Variants in DSG4 observed in about 807,000 individuals in gnomAD.
DSG4 encodes desmoglein-4.
In DSG4, 87 loss-of-function variants were observed where a neutral mutation model predicts 93.1. The ratio of observed to expected loss-of-function variants is 0.93; its 90% CI spans 0.79 to 1.12. The LOEUF (loss-of-function observed/expected upper bound fraction) is 1.12. DSG4 is among the 50% of genes most tolerant of loss of function. The probability of loss-of-function intolerance (pLI) is 0.00; values close to 1 mark genes in which losing one functional copy is unlikely to be tolerated. For missense variants in DSG4, 1,373 were observed against 1,285.7 expected, an observed-to-expected ratio of 1.07 and a Z score of -1.04; for synonymous variants, 432 against 452.9, an observed-to-expected ratio of 0.95 and a Z score of 0.59.
chr18:31,379,826 A>G, intron 1 of DSG4, among the ~76,000 whole-genome samples: 1 of 152,212 alleles, frequency 6.6e-6, no homozygotes, highest in East Asian at 1.9e-4. Flanking sequence ...CTTGTCAGGC[A>G]GATTTCCAGA....
intron 2 of DSG4, among the ~76,000 whole-genome samples, chr18:31,386,377 G>A (rs1156394431): frequency 6.6e-6 from 1 of 152,130 alleles, no homozygotes; most frequent in Non-Finnish European, 1.5e-5. Flanking sequence ...CTCCTATATG[G>A]TGAAGATAGA....
intron 7 of DSG4, 34 bp downstream of exon 7, chr18:31,391,246 A>G: frequency 6.2e-7 from 1 of 1,612,434 alleles, no homozygotes; most frequent in Non-Finnish European, 8.5e-7. Context: ...TTTTTCCATA[A>G]GTGTCAATAA....
In DSG4 at chr18:31,391,104, G is replaced by A. The variant is rs751308464; in HGVS notation, c.711G>A (p.Val237=). ...AACACAGTATGTACAACCTGGTTGT[G>A]AGAGGCTCAGATCGGGATGGAGCTG... ...REQHSMYNLV[V]RGSDRDGAAD... is the part of the protein sequence containing the mutation. The change falls in exon 7 of 16, where the codon GTG becomes GTA. Residue 237 remains valine (V), a synonymous_variant. Transcript: ENST00000308128. 6.2e-7 allele frequency: 1 copy of A among 1,613,738 alleles called. No homozygotes were observed. The highest frequency in any genetic ancestry group is 1.1e-5 in the South Asian group (1 of 91,062).
chr18:31,398,150 T>C (rs1049450238), intron 8 of DSG4, among the ~76,000 whole-genome samples: 1 of 152,098 alleles, frequency 6.6e-6, no homozygotes, highest in Non-Finnish European at 1.5e-5. Context: ...TGAAAAGTGA[T>C]TTTTGAGTAC....
At chr18:31,377,938 T>C (rs1433869472) in intron 1 of DSG4, among the ~76,000 whole-genome samples, 1 of 152,222 alleles carries the variant, frequency 6.6e-6, no homozygotes, top group Non-Finnish European at 1.5e-5. Flanking sequence ...CAGACTCCTC[T>C]GAACATCAGT....
At chr18:31,402,454 C>G (rs2072378361) in intron 10 of DSG4, among the ~76,000 whole-genome samples, 1 of 152,082 alleles carries the variant, frequency 6.6e-6, no homozygotes, top group Non-Finnish European at 1.5e-5. Context: ...AATCGACATC[C>G]TTCATCTAGT....
intron 3 of DSG4, among the ~76,000 whole-genome samples, chr18:31,387,344 T>C (rs1178610687): frequency 1.3e-5 from 2 of 152,182 alleles, no homozygotes; most frequent in Admixed American, 6.5e-5. Context: ...TCCACATTAA[T>C]AGCTTCATTC....
chr18:31,411,098 T>C lies in DSG4; in HGVS notation c.2138-133T>C, dbSNP rs17729233. 54 of 1,584,366 alleles carry C rather than the reference T, an allele frequency of 3.4e-5. No homozygotes were observed. The Admixed American group carries it at 9.7e-4, about 28-fold the overall frequency. ...GAGATGTATCGGTGTAACTTGTATC[T>C]CTCTTTGTCAGCTTTTTAGCGCCTA... On this transcript the variant is annotated intron_variant, in intron 14 of 15. Coordinates refer to ENST00000308128, the MANE Select transcript of DSG4 (RefSeq NM_177986.5).
rs766123215 is a variant in DSG4, at chr18:31,392,178, T to C, written c.843T>C (p.Asn281=). 2 of 1,613,712 alleles carry C rather than the reference T, an allele frequency of 1.2e-6. No homozygotes were observed. Among genetic ancestry groups the C allele is most frequent in the Non-Finnish European group, 1.7e-6 (2 of 1,179,796 alleles). ...KTSYSASIEE[N]CLSSELIRLQ... is the part of the protein sequence containing the mutation. Reference sequence around the variant, plus strand: ...AGTACTCAGCCAGTATTGAAGAGAATTGTTTAAGTTCGGAACTGATACGAT... The same window carrying C: ...AGTACTCAGCCAGTATTGAAGAGAACTGTTTAAGTTCGGAACTGATACGAT... The change falls in exon 8 of 16, where the codon AAT becomes AAC. Residue 281 remains asparagine, a synonymous_variant. Transcript: ENST00000308128.
chr18:31,397,264 C>G (rs1200522136), intron 8 of DSG4, among the ~76,000 whole-genome samples: 1 of 152,170 alleles, frequency 6.6e-6, no homozygotes, highest in Admixed American at 6.5e-5. Flanking sequence ...CAGAGCCTCA[C>G]TCCTGGTCAC....
At chr18:31,388,310 A>G in intron 3 of DSG4, 57 bp from the exon 4 acceptor site, 1 of 1,596,152 alleles carries the variant, frequency 6.3e-7, no homozygotes, top group Non-Finnish European at 8.6e-7. Context: ...ATTCCACTAC[A>G]CTCTTAAGCA....
At chr18:31,395,589 G>A (rs375789621) in intron 8 of DSG4, among the ~76,000 whole-genome samples, 13 of 152,268 alleles carry the variant, frequency 8.5e-5, no homozygotes, top group Admixed American at 8.5e-4. Context: ...CTGGAATGAG[G>A]TTACTAATGT....
At chr18:31,396,514 C>G (rs1283210655) in intron 8 of DSG4, among the ~76,000 whole-genome samples, 1 of 151,920 alleles carries the variant, frequency 6.6e-6, no homozygotes, top group Non-Finnish European at 1.5e-5. Flanking sequence ...GCCACCACAC[C>G]CGGCTAATGT....
chr18:31,401,748 G>A (rs972220851), intron 10 of DSG4: 5 of 152,262 alleles, frequency 3.3e-5, no homozygotes, highest in African/African-American at 1.2e-4. Flanking sequence ...GAACCACGAA[G>A]GAAGGGGAAA....
intron 1 of DSG4, among the ~76,000 whole-genome samples, chr18:31,380,144 A>G (rs1030306360): frequency 8.5e-5 from 13 of 152,190 alleles, no homozygotes; most frequent in African/African-American, 3.1e-4. Flanking sequence ...GATATCTAGT[A>G]TTACCATGAC....
chr18:31,388,598 A>G, intron 4 of DSG4, 76 bp downstream of exon 4: 1 of 1,569,940 alleles, frequency 6.4e-7, no homozygotes, highest in Non-Finnish European at 8.7e-7. Context: ...TCTTAAGATA[A>G]TGGATTACTT....
chr18:31,403,559 G>A lies in DSG4; in HGVS notation c.1561G>A (p.Gly521Arg). 6.2e-7 allele frequency: 1 copy of A among 1,614,036 alleles called. No individual in the cohort carries two copies. Among genetic ancestry groups the A allele is most frequent in the Non-Finnish European group, 8.5e-7 (1 of 1,179,960 alleles). The change falls in exon 11 of 16, where the codon GGG (glycine) becomes AGG (arginine). Residue 521 changes from glycine (G) to arginine (R), a missense_variant. By Grantham distance (125) the Gly-to-Arg change is moderately radical (BLOSUM62 -2). Coordinates refer to ENST00000308128, the MANE Select transcript of DSG4 (RefSeq NM_177986.5). The stretch of plus-strand genomic sequence containing the variant: ...TATCTCTGTTAATGAACATTCTTAT[G>A]GGTCTCCGTTTACTTTCTGTGTTGT... ...VLISVNEHSY[G>R]SPFTFCVVDE... is the part of the protein sequence containing the mutation.
rs1240708772 is a variant in DSG4, at chr18:31,406,236, G to T, written c.1796G>T (p.Gly599Val). The stretch of plus-strand genomic sequence containing the variant: ...GACAACCACATGTGCCTGGACTCTG[G>T]TGCCGCGGGCATCTACACAGAGGAC... The part of the protein sequence containing the change: ...CDDNHMCLDS[G>V]AAGIYTEDIT... The change falls in exon 12 of 16, where the codon GGT becomes GTT. Residue 599 changes from glycine (G) to valine (V), a missense_variant. Gly to Val is a moderately radical substitution (Grantham distance 109). Coordinates refer to ENST00000308128, the MANE Select transcript of DSG4 (RefSeq NM_177986.5). The T allele has an allele frequency of 6.2e-7, 1 of 1,613,730 alleles. No homozygotes were observed. Among genetic ancestry groups the T allele is most frequent in the South Asian group, 1.1e-5 (1 of 91,046 alleles).
intron 11 of DSG4, among the ~76,000 whole-genome samples, chr18:31,404,566 G>A (rs1463661282): frequency 6.6e-6 from 1 of 152,058 alleles, no homozygotes; most frequent in African/African-American, 2.4e-5. Context: ...AGGGTGAGAG[G>A]AAATACTTCC....
Sources: allele counts gnomAD v4.1 joint callset (sites outside exome capture counted in the v4.1 genomes callset), GRCh38; gene constraint gnomAD v4.1.1; transcripts MANE v1.5; gene names NCBI Gene and HGNC (gene_info 2026-07-23, HGNC 2026-07-21).